Variants in DHX35 observed in about 807,000 individuals in gnomAD.
DHX35 encodes the protein probable ATP-dependent RNA helicase DHX35.
In DHX35, 84 loss-of-function variants were observed where a neutral mutation model predicts 99.6. The ratio of observed to expected loss-of-function variants is 0.84; its 90% CI spans 0.71 to 1.01. The LOEUF (loss-of-function observed/expected upper bound fraction) is 1.01, where lower values mean the gene tolerates loss of function less well. DHX35 is among the 50% of genes least tolerant of loss of function. The pLI, the probability that DHX35 is intolerant of heterozygous loss-of-function variation, is 0.00. For synonymous variants in DHX35, 331 were observed against 316.2 expected, an observed-to-expected ratio of 1.05 and a Z score of -0.50; for missense variants, 852 against 888.5, an observed-to-expected ratio of 0.96 and a Z score of 0.52.
At chr20:38,995,545 C>T (rs1386338625) in intron 8 of DHX35, among the ~76,000 whole-genome samples, 1 of 151,990 alleles carries the variant, frequency 6.6e-6, no homozygotes, top group African/African-American at 2.4e-5. Context: ...AAAAGTTTCT[C>T]CTGTATATAT....
chr20:38,985,573 A>G (rs1216944935), intron 4 of DHX35, among the ~76,000 whole-genome samples: 2 of 151,676 alleles, frequency 1.3e-5, no homozygotes, highest in Non-Finnish European at 2.9e-5. Context: ...TTTAGAAGTT[A>G]TGTGTGTGTG....
intron 5 of DHX35, among the ~76,000 whole-genome samples, chr20:38,989,268 T>G (rs1294093207): frequency 4.6e-5 from 3 of 65,462 alleles, no homozygotes; most frequent in Non-Finnish European, 9.7e-5. Context: ...CGGCTAAGTT[T>G]TTTTTTTTTT....
intron 19 of DHX35, 97 bp downstream of exon 19, chr20:39,028,596 T>G: frequency 7.5e-7 from 1 of 1,327,564 alleles, no homozygotes; most frequent in Non-Finnish European, 1.1e-6. Context: ...ATTGCATAAT[T>G]ATTTGTAATT....
intron 21 of DHX35, among the ~76,000 whole-genome samples, chr20:39,038,259 A>G (rs2087187632): frequency 6.6e-6 from 1 of 152,214 alleles, no homozygotes; most frequent in Middle Eastern, 3.2e-3. Flanking sequence ...AGAGCCCTGT[A>G]TAACCAGCTT....
At chr20:38,971,994 G>GTTTTTTTTTTTTTT (rs1568714388) in intron 2 of DHX35, among the ~76,000 whole-genome samples, 1 of 112,042 alleles carries the variant, frequency 8.9e-6, no homozygotes. Context: ...TGTTTTTTTT[G>GTTTTTTTTTTTTTT]TTTTGTTTTG....
intron 8 of DHX35, among the ~76,000 whole-genome samples, chr20:38,997,046 T>TTTTATTTATTTATTTA (rs143900166): frequency 7.4e-5 from 11 of 149,012 alleles, no homozygotes; most frequent in African/African-American, 2.5e-4. Context: ...CTTAGATTCA[T>TTTTATTTATTTATTTA]TTTATTTATT....
chr20:39,018,707 CT>C, intron 14 of DHX35, 96 bp from the exon 15 acceptor site: 4 of 1,212,890 alleles, frequency 3.3e-6, no homozygotes, highest in Non-Finnish European at 1.2e-6. Context: ...ATACTTTCTT[CT>C]TTTTAGCATA....
chr20:38,990,315 G>A (rs909901811), intron 5 of DHX35, among the ~76,000 whole-genome samples: 2 of 152,134 alleles, frequency 1.3e-5, no homozygotes, highest in African/African-American at 2.4e-5. Flanking sequence ...AACAAAAAAA[G>A]TAAAAAACAC....
intron 13 of DHX35, among the ~76,000 whole-genome samples, 181 bp downstream of exon 13, chr20:39,010,585 C>T (rs760164516): frequency 5.3e-5 from 8 of 152,170 alleles, no homozygotes; most frequent in Non-Finnish European, 1.0e-4. Flanking sequence ...ACAAGGTAGC[C>T]TCAATTCCTA....
chr20:39,010,336 T>C lies in DHX35; in HGVS notation c.1279T>C (p.Leu427=), dbSNP rs113743503. The change falls in exon 13 of 22, where the codon TTG becomes CTG. Residue 427 remains leucine, a synonymous_variant. Transcript: ENST00000252011. ...GGTTCCTGAGATGCAGCGTAGTAAT[T>C]TGGCACCTGTCATCCTGCAGCTGAA... is the stretch of plus-strand genomic sequence containing the variant. ...STVPEMQRSN[L]APVILQLKAL... 6.2e-7 allele frequency: 1 copy of C among 1,614,046 alleles called. No homozygotes were observed. Among genetic ancestry groups the C allele is most frequent in the Admixed American group, 1.7e-5 (1 of 60,002 alleles).
intron 11 of DHX35, 92 bp downstream of exon 11, chr20:39,003,999 C>A: frequency 7.0e-7 from 1 of 1,426,030 alleles, no homozygotes; most frequent in South Asian, 1.2e-5. Context: ...AAACACAAGG[C>A]AGACTTCTAG....
intron 3 of DHX35, among the ~76,000 whole-genome samples, chr20:38,978,824 G>C (rs2086123051): frequency 6.6e-6 from 1 of 152,068 alleles, no homozygotes. Context: ...CATAACTTTG[G>C]TCCTTTCATT....
rs2086686175 is a variant in DHX35, at chr20:39,010,512, G to A, written c.1347+108G>A. 9 of 1,451,340 alleles carry A rather than the reference G, an allele frequency of 6.2e-6. No individual in the cohort carries two copies. In the South Asian group the frequency reaches 6.8e-5, roughly 11 times the overall value. The allele number at this position is 1,451,340 out of a possible 1,614,324, so 89.9% of individuals were successfully genotyped here. A position where few individuals can be genotyped will look rare whatever the true frequency, so the allele number is the denominator to read the frequency against. ...ATCTTTCCTTTTTTTCCCTACTCAG[G>A]TCATGTGTTGTGTGTCTGCTTTGCA... On this transcript the variant is annotated intron_variant, in intron 13 of 21. Transcript: ENST00000252011.
intron 15 of DHX35, among the ~76,000 whole-genome samples, chr20:39,019,158 A>G (rs1205544436): frequency 6.6e-6 from 1 of 152,148 alleles, no homozygotes; most frequent in African/African-American, 2.4e-5. Flanking sequence ...CATACTTGGT[A>G]AACACAAATT....
chr20:39,028,522 C>T (rs766187865), intron 19 of DHX35, 23 bp downstream of exon 19: 1 of 1,611,436 alleles, frequency 6.2e-7, no homozygotes, highest in South Asian at 1.1e-5. Flanking sequence ...TTGGTGAAGT[C>T]ATTTGTTAAA....
At chr20:39,030,608 C>T in intron 19 of DHX35, 96 bp from the exon 20 acceptor site, 1 of 1,171,248 alleles carries the variant, frequency 8.5e-7, no homozygotes, top group Non-Finnish European at 1.3e-6. Context: ...CGAGTTCAGT[C>T]TGCATGCTTT....
chr20:39,009,869 G>T (rs973933601), intron 12 of DHX35, among the ~76,000 whole-genome samples: 1 of 151,936 alleles, frequency 6.6e-6, no homozygotes, highest in African/African-American at 2.4e-5. Flanking sequence ...TATAAGATTT[G>T]GTCATTTGTT....
Position 39,025,085 on chromosome 20 carries a change from T to TG in DHX35, c.1672-141dup. 2.2e-6 allele frequency: 2 copies of TG among 901,838 alleles called. 1 individual carries two copies. The highest frequency in any genetic ancestry group is 4.3e-5 in the South Asian group (2 of 46,726). 55.9% of individuals were successfully genotyped at this position (901,838 alleles called of 1,614,324 possible). The stretch of plus-strand genomic sequence containing the variant: ...GGTTGTTAACATCTGTTTTGAGAGA[T>TG]GGGGCAAAAAAGGGCCAGTTCCCAT... On this transcript the variant is annotated intron_variant, in intron 17 of 21. Transcript: ENST00000252011.
At position 39,036,726 on chromosome 20, in the gene DHX35, C is replaced by CCAAAAAAAAAAAAAAAAA. The variant is rs1568767834; in HGVS notation, c.2068-1773_2068-1772insCAAAAAAAAAAAAAAAAA. ...AGGCGACAGAGCAAGACTGTCCCCCCAAAAAAAAAAAAAAAAAAAAAAAAA... is the reference window on the plus strand; with the variant it reads ...AGGCGACAGAGCAAGACTGTCCCCCCCAAAAAAAAAAAAAAAAAAAAAAAAAAAAAAAAAAAAAAAAAA... On this transcript the variant is annotated intron_variant, in intron 21 of 21. Coordinates refer to ENST00000252011, the MANE Select transcript of DHX35 (RefSeq NM_021931.4). Among the ~76,000 whole-genome samples, 3 of 51,698 alleles carry CCAAAAAAAAAAAAAAAAA rather than the reference C, an allele frequency of 5.8e-5. 1 individual carries two copies. Among genetic ancestry groups the CCAAAAAAAAAAAAAAAAA allele is most frequent in the African/African-American group, 2.4e-4 (3 of 12,690 alleles). The allele number at this position is 51,698 out of a possible 152,430, so 33.9% of individuals were successfully genotyped here.
Sources: gnomAD v4.1 joint callset for allele counts (sites outside exome capture counted in the v4.1 genomes callset) on GRCh38, gnomAD v4.1.1 for gene constraint, MANE v1.5 for transcripts, NCBI Gene and HGNC (gene_info 2026-07-23, HGNC 2026-07-21) for gene names.